The following FGF12 variants were observed in gnomAD, a reference collection of about 807,000 sequenced individuals.
FGF12 encodes fibroblast growth factor 12B.
FGF12 carries 14 observed loss-of-function variants against 23.6 expected under a neutral mutation model. The ratio of observed to expected loss-of-function variants is 0.59; its 90% CI spans 0.39 to 0.93. FGF12 has a LOEUF of 0.93. Among genes scored for constraint, FGF12 ranks in the 40% least tolerant of loss-of-function variants. The pLI, the probability that FGF12 is intolerant of heterozygous loss-of-function variation, is 0.00. For missense variants in FGF12, 175 were observed against 217.8 expected, an observed-to-expected ratio of 0.80 and a Z score of 1.24; for synonymous variants, 62 against 77.3, an observed-to-expected ratio of 0.80 and a Z score of 1.04.
intron 4 of FGF12, among the ~76,000 whole-genome samples, chr3:192,226,464 C>T (rs1338882003): frequency 1.3e-5 from 2 of 152,050 alleles, no homozygotes; most frequent in South Asian, 2.1e-4. Context: ...ACATAAAATG[C>T]CATTACTGCA....
intron 3 of FGF12, among the ~76,000 whole-genome samples, chr3:192,354,926 T>G (rs1195254124): frequency 2.0e-5 from 3 of 152,146 alleles, no homozygotes; most frequent in African/African-American, 7.2e-5. Flanking sequence ...CCATAGCTGG[T>G]CTAGAGCTCC....
Position 192,540,100 on chromosome 3 carries a change from C to A in FGF12, c.14-179562G>T, listed in dbSNP as rs187434539. Among the ~76,000 whole-genome samples, 408 of 151,924 alleles carry A rather than the reference C, an allele frequency of 2.7e-3. 2 individuals are homozygous for A. Among genetic ancestry groups the A allele is most frequent in the Middle Eastern group, 0.014 (4 of 294 alleles). On this transcript the variant is annotated intron_variant, in intron 2 of 5. Coordinates refer to ENST00000445105, the MANE Select transcript of FGF12 (RefSeq NM_004113.6). ...TATCTTTTCTAAAAACCAATATTTTCTTTCACTGATTTTTGTATTGTTTCT... is the reference window on the plus strand; with the variant it reads ...TATCTTTTCTAAAAACCAATATTTTATTTCACTGATTTTTGTATTGTTTCT...
chr3:192,705,543 T>C (rs1323751804), intron 2 of FGF12, among the ~76,000 whole-genome samples: 2 of 152,210 alleles, frequency 1.3e-5, no homozygotes, highest in Non-Finnish European at 2.9e-5. Context: ...CATACAACAT[T>C]TATGGATTAA....
At chr3:192,711,145 T>C (rs865931166) in intron 2 of FGF12, among the ~76,000 whole-genome samples, 7 of 152,140 alleles carry the variant, frequency 4.6e-5, no homozygotes, top group Middle Eastern at 3.2e-3. Context: ...ACATGAAAGA[T>C]AGAAATGAAA....
intron 2 of FGF12, among the ~76,000 whole-genome samples, chr3:192,553,095 G>A (rs1208042268): frequency 1.3e-5 from 2 of 151,980 alleles, no homozygotes; most frequent in African/African-American, 2.4e-5. Flanking sequence ...GTAAAAATAC[G>A]CTATAATAAT....
chr3:192,662,471 G>A (rs1716707633), intron 2 of FGF12, among the ~76,000 whole-genome samples: 1 of 152,168 alleles, frequency 6.6e-6, no homozygotes, highest in Non-Finnish European at 1.5e-5. Context: ...GGGATGACTT[G>A]AAAGCTACCT....
At chr3:192,167,094 T>A (rs532605379) in intron 5 of FGF12, among the ~76,000 whole-genome samples, 3 of 149,314 alleles carry the variant, frequency 2.0e-5, no homozygotes, top group Middle Eastern at 3.5e-3. Flanking sequence ...TGAAGCAGAG[T>A]TTTTAGTGTC....
chr3:192,647,487 T>C (rs766923484), intron 2 of FGF12, among the ~76,000 whole-genome samples: 5 of 151,930 alleles, frequency 3.3e-5, no homozygotes, highest in Non-Finnish European at 7.4e-5. Context: ...AGAAACCTAG[T>C]GACTTATCAG....
intron 2 of FGF12, among the ~76,000 whole-genome samples, chr3:192,712,502 G>GA (rs199620702): frequency 2.3e-4 from 34 of 149,224 alleles, no homozygotes; most frequent in Non-Finnish European, 3.6e-4. Flanking sequence ...AGTTTTCAGA[G>GA]AAAAAAAAAT....
chr3:192,296,062 CTTTTTTTTTTTTTTT>C (rs34021285), intron 4 of FGF12, among the ~76,000 whole-genome samples: 1 of 78,092 alleles, frequency 1.3e-5, no homozygotes. Context: ...GTTTTTCTTT[CTTTTTTTTTTTTTTT>C]TTTTTTTTTG....
chr3:192,155,173 C>G (rs1234074863), intron 5 of FGF12, among the ~76,000 whole-genome samples: 1 of 151,892 alleles, frequency 6.6e-6, no homozygotes, highest in African/African-American at 2.4e-5. Flanking sequence ...TGCTTCGGCT[C>G]GCGCACGGTG....
At chr3:192,579,185 A>G (rs1713033474) in intron 2 of FGF12, among the ~76,000 whole-genome samples, 1 of 152,126 alleles carries the variant, frequency 6.6e-6, no homozygotes. Flanking sequence ...CATTTTGAGG[A>G]AACATTTTCC....
In FGF12 at chr3:192,270,303, C is replaced by A. The variant is rs150351198; in HGVS notation, c.228+65058G>T. On this transcript the variant is annotated intron_variant, in intron 4 of 5. Transcript: ENST00000445105. ...TACATGTAATACAGCACTTAATTTC[C>A]TGCACCTTAGTTGGTAACTGTTAAA... Among the ~76,000 whole-genome samples, 403 of 152,276 alleles carry A rather than the reference C, an allele frequency of 2.6e-3. 2 individuals are homozygous for A. Among genetic ancestry groups the A allele is most frequent in the South Asian group, 0.021 (101 of 4,824 alleles).
intron 2 of FGF12, among the ~76,000 whole-genome samples, chr3:192,427,488 C>T (rs542337931): frequency 1.1e-4 from 16 of 152,028 alleles, no homozygotes; most frequent in African/African-American, 3.4e-4. Flanking sequence ...GAACATAAAA[C>T]ACAGATGAAT....
At chr3:192,163,001 C>A (rs1206623509) in intron 5 of FGF12, among the ~76,000 whole-genome samples, 1 of 152,080 alleles carries the variant, frequency 6.6e-6, no homozygotes, top group African/African-American at 2.4e-5. Context: ...CTTGAAAAAT[C>A]CAACTTTTTT....
chr3:192,605,103 G>T (rs138493955), intron 2 of FGF12, among the ~76,000 whole-genome samples: 137 of 152,204 alleles, frequency 9.0e-4, no homozygotes, highest in Non-Finnish European at 2.2e-4. Flanking sequence ...AGAGGGTCAG[G>T]GGCAGTGGCT....
intron 4 of FGF12, among the ~76,000 whole-genome samples, chr3:192,224,982 G>GA (rs1718660413): frequency 6.6e-6 from 1 of 152,002 alleles, no homozygotes. Flanking sequence ...AGAGGCCCCA[G>GA]GACTTAGCAT....
chr3:192,544,831 G>C (rs1725457541), intron 2 of FGF12, among the ~76,000 whole-genome samples: 1 of 152,178 alleles, frequency 6.6e-6, no homozygotes, highest in African/African-American at 2.4e-5. Context: ...CACAGAATCA[G>C]GGTACAGTCG....
intron 2 of FGF12, among the ~76,000 whole-genome samples, chr3:192,432,086 C>T (rs1252587247): frequency 1.3e-5 from 2 of 152,186 alleles, no homozygotes; most frequent in Non-Finnish European, 2.9e-5. Flanking sequence ...CCTCTTAATT[C>T]CCATTCTTCA....
Sources: gnomAD v4.1 joint callset for allele counts (sites outside exome capture counted in the v4.1 genomes callset) on GRCh38, gnomAD v4.1.1 for gene constraint, MANE v1.5 for transcripts, NCBI Gene and HGNC (gene_info 2026-07-23, HGNC 2026-07-21) for gene names.